DLG1: variants seen among roughly 807,000 people sequenced by gnomAD.
DLG1 encodes discs large MAGUK scaffold protein 1.
DLG1 carries 42 observed loss-of-function variants against 123.4 expected under a neutral mutation model. The observed-to-expected ratio is 0.34, with a 90% confidence interval of 0.27 to 0.44. DLG1 has a LOEUF of 0.44. DLG1 is among the 20% of genes least tolerant of loss of function. The pLI is 1.00. For synonymous variants in DLG1, 317 were observed against 356.2 expected (o/e 0.89, Z 1.24); for missense variants, 942 against 1,082.6 (o/e 0.87, Z 1.82).
chr3:197,231,596 G>T (rs1327142989), intron 4 of DLG1, among the ~76,000 whole-genome samples: 1 of 151,790 alleles, frequency 6.6e-6, no homozygotes, highest in South Asian at 2.1e-4. Flanking sequence ...AGCTACTCGG[G>T]GGGCTGAGGT....
chr3:197,169,181 T>C (rs1241635541), intron 5 of DLG1, among the ~76,000 whole-genome samples: 1 of 152,242 alleles, frequency 6.6e-6, no homozygotes, highest in African/African-American at 2.4e-5. Flanking sequence ...TTTATGACCA[T>C]GTACCGCCCT....
intron 14 of DLG1, among the ~76,000 whole-genome samples, chr3:197,097,816 G>A (rs1761480992): frequency 1.3e-5 from 2 of 149,390 alleles, no homozygotes; most frequent in African/African-American, 4.9e-5. Flanking sequence ...TCCTGACCTT[G>A]TGAGTCGCCC....
At chr3:197,055,766 C>T (rs1460155968) in intron 23 of DLG1, among the ~76,000 whole-genome samples, 2 of 152,122 alleles carry the variant, frequency 1.3e-5, no homozygotes, top group African/African-American at 4.8e-5. Flanking sequence ...TTTTTTCTTT[C>T]TCCTCACTAA....
At position 197,088,647 on chromosome 3, in the gene DLG1, C is replaced by T. The variant is rs577534873; in HGVS notation, c.1661+2265G>A. On this transcript the variant is annotated intron_variant, in intron 15 of 24. Transcript: ENST00000667157. ...AGCTGAGAGCTATACAGCACGTTTA[C>T]AGAGGAACTAGTCTAGACTGGAGCA... Among the ~76,000 whole-genome samples the T allele has an allele frequency of 3.3e-5, 5 of 152,274 alleles. No individual in the cohort carries two copies. The South Asian group carries it at 1.0e-3, about 32-fold the overall frequency.
chr3:197,126,203 C>A (rs189675887), intron 11 of DLG1, among the ~76,000 whole-genome samples: 2 of 152,032 alleles, frequency 1.3e-5, no homozygotes, highest in African/African-American at 4.8e-5. Context: ...CAGCTGGGCT[C>A]GGTGGCTCAT....
chr3:197,099,155 T>A (rs1762163930), intron 14 of DLG1, among the ~76,000 whole-genome samples: 1 of 152,226 alleles, frequency 6.6e-6, no homozygotes, highest in African/African-American at 2.4e-5. Context: ...AGCTCTGACC[T>A]CCTGGGCTCA....
At chr3:197,166,440 T>C (rs1441065490) in intron 5 of DLG1, among the ~76,000 whole-genome samples, 1 of 152,134 alleles carries the variant, frequency 6.6e-6, no homozygotes, top group Non-Finnish European at 1.5e-5. Context: ...TCAATATATA[T>C]AGATAAATAC....
At chr3:197,120,266 C>G (rs949389195) in intron 11 of DLG1, among the ~76,000 whole-genome samples, 18 of 96,702 alleles carry the variant, frequency 1.9e-4, no homozygotes, top group South Asian at 4.0e-4. Context: ...TGCCCTGTCT[C>G]GAGAAAGAAA....
chr3:197,253,717 T>C (rs985926428), intron 4 of DLG1, among the ~76,000 whole-genome samples: 12 of 152,110 alleles, frequency 7.9e-5, no homozygotes, highest in African/African-American at 2.7e-4. Flanking sequence ...AAAGTAGGTG[T>C]GGCTACAAAA....
intron 22 of DLG1, among the ~76,000 whole-genome samples, chr3:197,060,307 T>A (rs569477221): frequency 2.9e-4 from 44 of 152,324 alleles, no homozygotes; most frequent in Admixed American, 5.2e-4. Context: ...TCCCTTTTTT[T>A]AAAATTTAAG....
intron 5 of DLG1, among the ~76,000 whole-genome samples, chr3:197,171,017 G>A (rs1803927409): frequency 6.6e-6 from 1 of 152,150 alleles, no homozygotes; most frequent in South Asian, 2.1e-4. Context: ...GTCACTGTGG[G>A]TTAGTAAGGA....
chr3:197,068,395 C>A, intron 19 of DLG1: 1 of 740,000 alleles, frequency 1.4e-6, no homozygotes, highest in African/African-American at 1.8e-5. Context: ...AAAAAAAAAT[C>A]ATTAAGTAAC....
chr3:197,206,369 G>A (rs145804962), intron 4 of DLG1, among the ~76,000 whole-genome samples: 2,044 of 152,084 alleles, frequency 0.013, 26 homozygotes, highest in African/African-American at 0.03. Context: ...GCGTGATCTC[G>A]GCTCACTGCA....
At chr3:197,131,930 T>C (rs1424771940) in intron 10 of DLG1, among the ~76,000 whole-genome samples, 1 of 152,036 alleles carries the variant, frequency 6.6e-6, no homozygotes, top group East Asian at 1.9e-4. Context: ...TTTTTCTTTT[T>C]CTTTTCTTAT....
intron 3 of DLG1, among the ~76,000 whole-genome samples, chr3:197,288,744 A>AAAACATACATACG (rs1773307927): frequency 2.7e-5 from 1 of 36,902 alleles, no homozygotes; most frequent in Non-Finnish European, 5.5e-5. Context: ...AAAAAAAAAA[A>AAAACATACATACG]TACATACATA....
intron 5 of DLG1, among the ~76,000 whole-genome samples, chr3:197,151,284 C>G (rs996328733): frequency 6.6e-6 from 1 of 152,102 alleles, no homozygotes; most frequent in Non-Finnish European, 1.5e-5. Context: ...GGCAAGAAAG[C>G]CTTTTGGTCC....
upstream of DLG1, chr3:197,298,617 C>A (rs886231861): frequency 2.5e-5 from 10 of 398,432 alleles, no homozygotes; most frequent in African/African-American, 4.1e-5. Context: ...GGGGGTAGAT[C>A]CCCACCGGGG....
chr3:197,176,808 G>C (rs1807331308), intron 5 of DLG1, among the ~76,000 whole-genome samples: 1 of 151,950 alleles, frequency 6.6e-6, no homozygotes, highest in African/African-American at 2.4e-5. Flanking sequence ...CAATTCATTT[G>C]GGCAAATACC....
chr3:197,264,615 C>T (rs759034565), intron 4 of DLG1, among the ~76,000 whole-genome samples: 2 of 151,920 alleles, frequency 1.3e-5, no homozygotes, highest in Non-Finnish European at 2.9e-5. Flanking sequence ...TTAGTAGAGA[C>T]GGGGTTTTGA....
Sources: allele counts gnomAD v4.1 joint callset (sites outside exome capture counted in the v4.1 genomes callset), GRCh38; gene constraint gnomAD v4.1.1; transcripts MANE v1.5; gene names NCBI Gene and HGNC (gene_info 2026-07-23, HGNC 2026-07-21).